BARHL2: variants seen among roughly 807,000 people sequenced by gnomAD.
The protein encoded by BARHL2 is BarH like homeobox 2.
BARHL2 carries 10 observed loss-of-function variants against 27.1 expected under a neutral mutation model. The observed-to-expected ratio is 0.37, with a 90% CI of 0.23 to 0.63. The LOEUF is 0.63. Ranked by LOEUF, BARHL2 falls within the 20% of genes least tolerant of loss-of-function variation. BARHL2 has a pLI of 0.65. For missense variants in BARHL2, 483 were observed against 533.5 expected (o/e 0.91, Z 0.93); for synonymous variants, 248 against 224.7 (o/e 1.10, Z -0.93).
Position 90,716,731 on chromosome 1 carries a change from C to T in BARHL2, c.465G>A (p.Ala155=), listed in dbSNP as rs551290584. Reference sequence around the variant, plus strand: ...CGCTGGTGCTGTAGGGTGCACATGCCGCCAGAGGTTTGCTGTCGCCCAAGA... The same window carrying T: ...CGCTGGTGCTGTAGGGTGCACATGCTGCCAGAGGTTTGCTGTCGCCCAAGA... ...KDILGDSKPL[A]ACAPYSTSVS... Residue 155 remains alanine (A), a synonymous_variant, in exon 1 of 3, where the codon GCG becomes GCA. Coordinates refer to ENST00000370445, the MANE Select transcript of BARHL2 (RefSeq NM_020063.2). 4 of 1,605,016 alleles carry T rather than the reference C, an allele frequency of 2.5e-6. 1 individual carries two copies. The East Asian group carries it at 6.7e-5, about 27-fold the overall frequency.
rs1466353028 is a variant in BARHL2 at position 90,716,943 on chromosome 1, G to C, written c.253C>G (p.His85Asp). The part of the protein sequence containing the change: ...PHLVADATQH[H>D]HHLHHSQQPP... The stretch of plus-strand genomic sequence containing the variant: ...TGCTGGCTGTGGTGGAGGTGGTGAT[G>C]ATGCTGGGTCGCGTCTGCTACCAGA... Residue 85 changes from histidine to aspartate, a missense_variant, in exon 1 of 3, where the codon CAT becomes GAT. His to Asp is a moderately conservative substitution (Grantham distance 81). Coordinates refer to ENST00000370445, the MANE Select transcript of BARHL2 (RefSeq NM_020063.2). The C allele has an allele frequency of 6.2e-7, 1 of 1,612,744 alleles. No individual in the cohort carries two copies. The highest frequency in any genetic ancestry group is 1.1e-5 in the South Asian group (1 of 90,898).
chr1:90,712,516 G>A lies in BARHL2; in HGVS notation c.960C>T (p.Ser320=). ...MFPSPYFYHP[S]LLGSMDSTTA... ...TAGTGCTGTCCATGCTGCCCAGCAG[G>A]CTTGGGTGATAGAAATAAGGCGATG... is the stretch of plus-strand genomic sequence containing the variant. Residue 320 remains serine, a synonymous_variant, in exon 3 of 3, where the codon AGC becomes AGT. Coordinates refer to ENST00000370445, the MANE Select transcript of BARHL2 (RefSeq NM_020063.2). 2 of 1,614,068 alleles carry A rather than the reference G, an allele frequency of 1.2e-6. No individual in the cohort carries two copies. The highest frequency in any genetic ancestry group is 1.7e-6 in the Non-Finnish European group (2 of 1,180,004).
chr1:90,715,221 T>C (rs905674197), intron 1 of BARHL2, among the ~76,000 whole-genome samples: 1 of 151,594 alleles, frequency 6.6e-6, no homozygotes, highest in African/African-American at 2.4e-5. Flanking sequence ...TCATTTTACT[T>C]TTTTCTCTTT....
chr1:90,715,556 T>C (rs1658127445), intron 1 of BARHL2, among the ~76,000 whole-genome samples: 1 of 152,178 alleles, frequency 6.6e-6, no homozygotes. Flanking sequence ...CTGGGGAGGT[T>C]GGTGCACAAA....
rs1333666560 is a variant in BARHL2 at position 90,714,624 on chromosome 1, C to T, written c.758G>A (p.Arg253Gln). The T allele has an allele frequency of 1.4e-5, 22 of 1,614,198 alleles. No homozygotes were observed. Among genetic ancestry groups the T allele is most frequent in the South Asian group, 2.2e-5 (2 of 91,080 alleles). The change falls in exon 2 of 3, where the codon CGG becomes CAG. Residue 253 changes from arginine to glutamine, a missense_variant. Coordinates refer to ENST00000370445, the MANE Select transcript of BARHL2 (RefSeq NM_020063.2). The stretch of plus-strand genomic sequence containing the variant: ...ATCCTGCACGCTCAGGTACTTCTGC[C>T]GCTCAAAGCTACGCTCCAGTTGATT... Reference protein sequence around the residue: ...QLNQLERSFERQKYLSVQDRM... With the variant: ...QLNQLERSFEQQKYLSVQDRM...
intron 1 of BARHL2, among the ~76,000 whole-genome samples, chr1:90,716,175 C>T (rs944276885): frequency 6.6e-6 from 1 of 151,818 alleles, no homozygotes; most frequent in Admixed American, 6.6e-5. Context: ...ATCACACCCA[C>T]GCTAGCTAAG....
chr1:90,715,009 G>A (rs1658114650), intron 1 of BARHL2, among the ~76,000 whole-genome samples: 1 of 152,050 alleles, frequency 6.6e-6, no homozygotes, highest in African/African-American at 2.4e-5. Flanking sequence ...ATCTTCACAT[G>A]GTTGGAAGTT....
intron 2 of BARHL2, among the ~76,000 whole-genome samples, chr1:90,713,777 C>T (rs573111402): frequency 1.3e-5 from 2 of 152,346 alleles, no homozygotes; most frequent in Non-Finnish European, 2.9e-5. Context: ...CCTGCGAGCA[C>T]TGGCAGTCAC....
rs897713112 is a variant in BARHL2 at position 90,712,242 on chromosome 1, G to C, written c.*70C>G. ...GAGGCCTAGTGGCCTGGAGCAGGGAGAGGACGGGCAGCAGTCCGGGTTGGG... is the reference window on the plus strand; with the variant it reads ...GAGGCCTAGTGGCCTGGAGCAGGGACAGGACGGGCAGCAGTCCGGGTTGGG... On this transcript the variant is annotated 3_prime_UTR_variant, in exon 3 of 3. Coordinates refer to ENST00000370445, the MANE Select transcript of BARHL2 (RefSeq NM_020063.2). 21 of 1,393,024 alleles carry C rather than the reference G, an allele frequency of 1.5e-5. No homozygotes were observed. The highest frequency in any genetic ancestry group is 2.0e-5 in the Non-Finnish European group (21 of 1,065,756). The allele number at this position is 1,393,024 out of a possible 1,614,324, so 86.3% of individuals were successfully genotyped here. A position where few individuals can be genotyped will look rare whatever the true frequency, so the allele number is the denominator to read the frequency against.
rs1290442724 is a variant in BARHL2 at position 90,717,090 on chromosome 1, C to A, written c.106G>T (p.Gly36Cys). The stretch of plus-strand genomic sequence containing the variant: ...CTAAAATCCGCGGTCCTGGCCTCAC[C>A]GAGCGGGCGGAAATCTCCATTCATC... ...GMMNGDFRPL[G>C]EARTADFRSQ... is the part of the protein sequence containing the mutation. The change falls in exon 1 of 3, where the codon GGT becomes TGT. Residue 36 changes from glycine to cysteine, a missense_variant. Transcript: ENST00000370445. The A allele has an allele frequency of 1.2e-6, 2 of 1,613,764 alleles. No homozygotes were observed. The highest frequency in any genetic ancestry group is 1.7e-6 in the Non-Finnish European group (2 of 1,179,976).
chr1:90,715,787 G>C (rs1295903548), intron 1 of BARHL2, among the ~76,000 whole-genome samples: 1 of 152,006 alleles, frequency 6.6e-6, no homozygotes, highest in African/African-American at 2.4e-5. Flanking sequence ...TTATGAAATT[G>C]TCTGATGAGA....
rs1260813273 is a variant in BARHL2, at chr1:90,711,696, AAATAT to A, written c.*611_*615del. The A allele has an allele frequency of 1.3e-5, 2 of 152,212 alleles. No individual in the cohort carries two copies. Among genetic ancestry groups the A allele is most frequent in the Non-Finnish European group, 2.9e-5 (2 of 68,048 alleles). The allele number at this position is 152,212 out of a possible 1,614,324, so 9.4% of individuals were successfully genotyped here. A position where few individuals can be genotyped will look rare whatever the true frequency, so the allele number is the denominator to read the frequency against. On this transcript the variant is annotated 3_prime_UTR_variant, in exon 3 of 3. Transcript: ENST00000370445. Reference sequence around the variant, plus strand: ...TGACTCTTTTTGGACAACATATAATAAATATGATATATCACTTATCACTCAGTCTT... The same window carrying A: ...TGACTCTTTTTGGACAACATATAATAGATATATCACTTATCACTCAGTCTT...
In BARHL2 at chr1:90,712,155, C is replaced by T; in HGVS notation, c.*157G>A. ...GAGGGCTGGCTCCTCTTTGGGGGTC[C>T]CCTGCCCACTGGTAAGCATCTTCCT... On this transcript the variant is annotated 3_prime_UTR_variant, in exon 3 of 3. Coordinates refer to ENST00000370445, the MANE Select transcript of BARHL2 (RefSeq NM_020063.2). The T allele has an allele frequency of 1.3e-6, 1 of 759,758 alleles. No homozygotes were observed. The highest frequency in any genetic ancestry group is 3.0e-5 in the East Asian group (1 of 33,780). 47.1% of individuals were successfully genotyped at this position (759,758 alleles called of 1,614,324 possible).
chr1:90,714,545 C>T lies in BARHL2; in HGVS notation c.837G>A (p.Trp279Ter), dbSNP rs750536707. ...LNLTDTQVKT[W>*]YQNRRTKWKR... ...GCCTCCCTTACCTGCGGTTCTGGTA[C>T]CAGGTCTTGACTTGGGTGTCAGTGA... Residue 279 changes from tryptophan (W) to a stop codon, truncating the protein, a stop_gained, in exon 2 of 3, where the codon TGG becomes TGA. Transcript: ENST00000370445. LOFTEE classifies it high-confidence loss of function. 1 of 1,614,194 alleles carries T rather than the reference C, an allele frequency of 6.2e-7. No individual in the cohort carries two copies. Among genetic ancestry groups the T allele is most frequent in the South Asian group, 1.1e-5 (1 of 91,084 alleles).
intron 1 of BARHL2, among the ~76,000 whole-genome samples, chr1:90,716,231 G>A (rs1294458177): frequency 6.6e-6 from 1 of 151,936 alleles, no homozygotes; most frequent in Non-Finnish European, 1.5e-5. Flanking sequence ...CCAAAGTCTA[G>A]GCTAGAAAAA....
intron 2 of BARHL2, among the ~76,000 whole-genome samples, chr1:90,713,411 G>C (rs1359774128): frequency 6.6e-6 from 1 of 152,208 alleles, no homozygotes; most frequent in African/African-American, 2.4e-5. Flanking sequence ...CTGCTAGGAA[G>C]AAGAGAGCGG....
chr1:90,716,494 C>A, intron 1 of BARHL2, 77 bp downstream of exon 1: 1 of 1,480,868 alleles, frequency 6.8e-7, no homozygotes, highest in Non-Finnish European at 9.4e-7. Flanking sequence ...CAGCAGAGAT[C>A]TGCTGAAGGC....
rs762383435 is a variant in BARHL2 at position 90,716,990 on chromosome 1, G to A, written c.206C>T (p.Thr69Ile). Residue 69 changes from threonine to isoleucine, a missense_variant, in exon 1 of 3, where the codon ACC (threonine) becomes ATC (isoleucine). Around this residue, in one of 3 missense-constraint regions of BARHL2, gnomAD observed 304 missense variants for 284.9 expected, o/e 1.07. Transcript: ENST00000370445. ...GTAPSSPISV[T>I]MEPPEPHLVA... ...CAGATGCGGCTCCGGGGGCTCCATG[G>A]TGACTGAGATAGGAGAAGAAGGCGC... The A allele has an allele frequency of 6.2e-7, 1 of 1,613,798 alleles. No homozygotes were observed. Among genetic ancestry groups the A allele is most frequent in the East Asian group, 2.2e-5 (1 of 44,838 alleles).
chr1:90,712,248 G>A lies in BARHL2; in HGVS notation c.*64C>T, dbSNP rs553900024. 1.8e-5 allele frequency: 25 copies of A among 1,400,302 alleles called. No homozygotes were observed. The highest frequency in any genetic ancestry group is 6.5e-5 in the South Asian group (4 of 61,884). The allele number at this position is 1,400,302 out of a possible 1,614,324, so 86.7% of individuals were successfully genotyped here. A position where few individuals can be genotyped will look rare whatever the true frequency, so the allele number is the denominator to read the frequency against. Reference sequence around the variant, plus strand: ...TAGTGGCCTGGAGCAGGGAGAGGACGGGCAGCAGTCCGGGTTGGGCAGGGA... The same window carrying A: ...TAGTGGCCTGGAGCAGGGAGAGGACAGGCAGCAGTCCGGGTTGGGCAGGGA... On this transcript the variant is annotated 3_prime_UTR_variant, in exon 3 of 3. Transcript: ENST00000370445.
Sources: allele counts gnomAD v4.1 joint callset (sites outside exome capture counted in the v4.1 genomes callset), GRCh38; gene constraint gnomAD v4.1.1; regional missense constraint gnomAD v4.1.1; transcripts MANE v1.5; gene names NCBI Gene and HGNC (gene_info 2026-07-23, HGNC 2026-07-21).